The following SLC24A2 variants were observed in gnomAD, a reference collection of about 807,000 sequenced individuals.
SLC24A2 encodes sodium/potassium/calcium exchanger 2.
A neutral mutation model predicts 62.0 loss-of-function variants in SLC24A2; 36 were observed. That is an observed-to-expected ratio of 0.58 (90% CI 0.44 to 0.77). The LOEUF is 0.77. Among genes scored for constraint, SLC24A2 ranks in the 30% least tolerant of loss-of-function variants. The pLI is 0.00. For missense variants in SLC24A2, 846 were observed against 817.9 expected (o/e 1.03, Z -0.42); for synonymous variants, 358 against 294.0 (o/e 1.22, Z -2.23).
intron 8 of SLC24A2, among the ~76,000 whole-genome samples, chr9:19,545,792 C>A (rs546420657): frequency 1.2e-3 from 190 of 152,186 alleles, no homozygotes; most frequent in African/African-American, 4.4e-3. Context: ...GCACCCACCA[C>A]CACGCCTGCC....
the SLC24A2 span, among the ~76,000 whole-genome samples, chr9:19,866,843 G>A: frequency 1.3e-5 from 2 of 151,682 alleles, no homozygotes; most frequent in Non-Finnish European, 2.9e-5. Context: ...CTTATTATTT[G>A]TAGTATCTAA....
chr9:19,838,424 T>C, the SLC24A2 span, among the ~76,000 whole-genome samples: 1 of 151,234 alleles, frequency 6.6e-6, no homozygotes, highest in African/African-American at 2.4e-5. Context: ...TAATTCAAGA[T>C]GGATTAAAGA....
At chr9:20,196,230 A>C in the SLC24A2 span, among the ~76,000 whole-genome samples, 1 of 152,198 alleles carries the variant, frequency 6.6e-6, no homozygotes. Context: ...ATCTTTTTAC[A>C]GTTTACCTTA....
At chr9:20,016,759 A>G in the SLC24A2 span, among the ~76,000 whole-genome samples, 1 of 152,168 alleles carries the variant, frequency 6.6e-6, no homozygotes, top group Non-Finnish European at 1.5e-5. Flanking sequence ...ACACAAATGT[A>G]GAAAAAGATA....
At chr9:20,225,566 A>ATATATATAT in the SLC24A2 span, among the ~76,000 whole-genome samples, 64 of 128,854 alleles carry the variant, frequency 5.0e-4, 6 homozygotes, top group African/African-American at 1.9e-3. Flanking sequence ...TATATTATAT[A>ATATATATAT]TATATATAAT....
the SLC24A2 span, among the ~76,000 whole-genome samples, chr9:20,144,241 C>T: frequency 6.6e-6 from 1 of 152,182 alleles, no homozygotes; most frequent in African/African-American, 2.4e-5. Context: ...TTTCAGCTAG[C>T]ACATGTCAAA....
chr9:19,820,056 CACATATATAT>C, the SLC24A2 span, among the ~76,000 whole-genome samples: 3 of 20,732 alleles, frequency 1.4e-4, no homozygotes, highest in African/African-American at 2.7e-4. Context: ...TATATATATA[CACATATATAT>C]ATATATATAT....
chr9:20,025,666 A>G, the SLC24A2 span, among the ~76,000 whole-genome samples: 1 of 152,176 alleles, frequency 6.6e-6, no homozygotes, highest in Non-Finnish European at 1.5e-5. Flanking sequence ...AGGTTCTGCT[A>G]TAGAACTCTT....
chr9:20,177,525 C>T, the SLC24A2 span, among the ~76,000 whole-genome samples: 3 of 152,118 alleles, frequency 2.0e-5, no homozygotes, highest in South Asian at 2.1e-4. Context: ...GTGTTGACCC[C>T]GTTAGATGAT....
intron 8 of SLC24A2, among the ~76,000 whole-genome samples, chr9:19,530,863 A>C (rs1468308282): frequency 1.3e-5 from 2 of 152,182 alleles, no homozygotes; most frequent in African/African-American, 2.4e-5. Context: ...CTGTACCCAG[A>C]TCCTGAACTA....
At chr9:20,030,818 C>T in the SLC24A2 span, among the ~76,000 whole-genome samples, 1 of 152,094 alleles carries the variant, frequency 6.6e-6, no homozygotes, top group Admixed American at 6.6e-5. Flanking sequence ...AGGAAACTAC[C>T]AGGAGAGTGG....
At chr9:19,584,627 T>A (rs890743529) in intron 5 of SLC24A2, among the ~76,000 whole-genome samples, 13 of 150,062 alleles carry the variant, frequency 8.7e-5, no homozygotes, top group East Asian at 1.9e-4. Context: ...AAAGCAAAAA[T>A]TTTTTTTTTA....
the SLC24A2 span, among the ~76,000 whole-genome samples, chr9:20,084,310 G>T: frequency 3.9e-5 from 6 of 152,268 alleles, no homozygotes; most frequent in South Asian, 6.2e-4. Flanking sequence ...GATTTGTCCT[G>T]GCTAGGGAGA....
intron 8 of SLC24A2, among the ~76,000 whole-genome samples, chr9:19,528,874 G>C (rs1833557088): frequency 6.6e-6 from 1 of 152,100 alleles, no homozygotes; most frequent in South Asian, 2.1e-4. Context: ...AATATATTAT[G>C]TTCAATTCTG....
the SLC24A2 span, among the ~76,000 whole-genome samples, chr9:19,801,784 C>T: frequency 1.3e-5 from 2 of 152,260 alleles, no homozygotes; most frequent in South Asian, 2.1e-4. Flanking sequence ...GATTTTTAGT[C>T]CGCCTAGGAA....
chr9:19,885,803 C>A, the SLC24A2 span, among the ~76,000 whole-genome samples: 2 of 152,084 alleles, frequency 1.3e-5, no homozygotes, highest in Non-Finnish European at 2.9e-5. Flanking sequence ...TATCTACCCA[C>A]GTGTTCTCAT....
At position 19,527,953 on chromosome 9, in the gene SLC24A2, T is replaced by C. The variant is rs1042597957; in HGVS notation, c.1569+96A>G. ...CTCGTCTGTGTCACACCCAATACTG[T>C]TGTGGCAGTTGCAGAAAGCAAACAC... On this transcript the variant is annotated intron_variant, in intron 9 of 10. Coordinates refer to ENST00000341998, the MANE Select transcript of SLC24A2 (RefSeq NM_020344.4). 10 of 777,916 alleles carry C rather than the reference T, an allele frequency of 1.3e-5. No individual in the cohort carries two copies. The South Asian group carries it at 1.5e-4, about 11-fold the overall frequency. 48.2% of individuals were successfully genotyped at this position (777,916 alleles called of 1,614,324 possible).
chr9:20,012,752 A>G, the SLC24A2 span, among the ~76,000 whole-genome samples: 1 of 152,212 alleles, frequency 6.6e-6, no homozygotes, highest in African/African-American at 2.4e-5. Context: ...CTCAAAAAGG[A>G]AAGAAACAAT....
chr9:19,552,006 G>A (rs988712489), intron 7 of SLC24A2, among the ~76,000 whole-genome samples: 3 of 152,142 alleles, frequency 2.0e-5, no homozygotes, highest in African/African-American at 7.2e-5. Flanking sequence ...CAAATATGGT[G>A]GAATTAAAGG....
Sources: gnomAD v4.1 joint callset for allele counts (sites outside exome capture counted in the v4.1 genomes callset) on GRCh38, gnomAD v4.1.1 for gene constraint, MANE v1.5 for transcripts, NCBI Gene and HGNC (gene_info 2026-07-23, HGNC 2026-07-21) for gene names.